RSF1: variants seen among roughly 807,000 people sequenced by gnomAD.
The protein encoded by RSF1 is HBV pX-associated protein 8.
A neutral mutation model predicts 145.2 loss-of-function variants in RSF1; 13 were observed. That is an observed-to-expected ratio of 0.09 (90% CI 0.06 to 0.14). The LOEUF (loss-of-function observed/expected upper bound fraction) is 0.14, where lower values mean the gene tolerates loss of function less well. Ranked by LOEUF, RSF1 falls within the 10% of genes least tolerant of loss-of-function variation. RSF1 has a pLI of 1.00. For missense variants in RSF1, 1,517 were observed against 1,718.2 expected (o/e 0.88, Z 2.07); for synonymous variants, 577 against 592.6 (o/e 0.97, Z 0.38).
intron 1 of RSF1, among the ~76,000 whole-genome samples, chr11:77,798,607 A>C (rs1186349729): frequency 1.4e-5 from 2 of 143,862 alleles, no homozygotes; most frequent in African/African-American, 2.6e-5. Flanking sequence ...AAAAAAAAAA[A>C]AAAAAAAAAA....
intron 1 of RSF1, among the ~76,000 whole-genome samples, chr11:77,814,640 T>C (rs1293665871): frequency 6.6e-6 from 1 of 152,108 alleles, no homozygotes; most frequent in South Asian, 2.1e-4. Context: ...CAGATGGGGT[T>C]TCACCATGTT....
At chr11:77,805,011 T>C (rs772955367) in intron 1 of RSF1, among the ~76,000 whole-genome samples, 4 of 152,106 alleles carry the variant, frequency 2.6e-5, no homozygotes, top group Non-Finnish European at 4.4e-5. Flanking sequence ...ATATTAAACA[T>C]GTGTTTATTT....
chr11:77,744,606 T>C (rs543094592), intron 3 of RSF1, among the ~76,000 whole-genome samples: 39 of 152,324 alleles, frequency 2.6e-4, no homozygotes, highest in African/African-American at 9.4e-4. Flanking sequence ...TACCTGGCCA[T>C]GTATCACATT....
At chr11:77,845,444 T>TG in the RSF1 span, among the ~76,000 whole-genome samples, 28,696 of 151,732 alleles carry the variant, frequency 0.19, 3,284 homozygotes, top group Middle Eastern at 0.33. Flanking sequence ...TTTTTTTTGG[T>TG]GGGGGGGATA....
At chr11:77,837,649 TG>T in the RSF1 span, among the ~76,000 whole-genome samples, 1 of 152,178 alleles carries the variant, frequency 6.6e-6, no homozygotes, top group African/African-American at 2.4e-5. Flanking sequence ...TTGGCCAGGC[TG>T]GTCTTGAACT....
chr11:77,683,387 G>A (rs1959917282), intron 11 of RSF1, among the ~76,000 whole-genome samples: 1 of 151,868 alleles, frequency 6.6e-6, no homozygotes, highest in Non-Finnish European at 1.5e-5. Flanking sequence ...ATTTACATTT[G>A]GAAAGGATCA....
chr11:77,777,036 T>C (rs1050874037), intron 1 of RSF1, among the ~76,000 whole-genome samples: 1 of 152,076 alleles, frequency 6.6e-6, no homozygotes, highest in Admixed American at 6.6e-5. Context: ...AAGGACAGAC[T>C]AGTACAATAA....
At chr11:77,794,504 G>A (rs2135970130) in intron 1 of RSF1, among the ~76,000 whole-genome samples, 1 of 151,834 alleles carries the variant, frequency 6.6e-6, no homozygotes, top group South Asian at 2.1e-4. Flanking sequence ...GCAAAATAGT[G>A]AAACCCTGTC....
intron 2 of RSF1, among the ~76,000 whole-genome samples, chr11:77,758,204 T>G (rs1948135248): frequency 6.6e-6 from 1 of 150,978 alleles, no homozygotes; most frequent in Non-Finnish European, 1.5e-5. Flanking sequence ...CAATAACAAG[T>G]CTACATGGTT....
At chr11:77,667,669 A>G (rs1398859057) in intron 15 of RSF1, among the ~76,000 whole-genome samples, 178 bp from the exon 16 acceptor site, 24 of 151,958 alleles carry the variant, frequency 1.6e-4, no homozygotes, top group Non-Finnish European at 2.1e-4. Context: ...GCCCAATATG[A>G]TTCATGGTGT....
intron 1 of RSF1, among the ~76,000 whole-genome samples, chr11:77,818,569 A>C (rs1185596460): frequency 6.6e-6 from 1 of 151,288 alleles, no homozygotes; most frequent in Admixed American, 6.6e-5. Context: ...TCACGAGGTC[A>C]GGAGTTCGAG....
chr11:77,758,735 T>G (rs1030275645), intron 2 of RSF1, among the ~76,000 whole-genome samples: 12 of 152,254 alleles, frequency 7.9e-5, no homozygotes, highest in African/African-American at 2.9e-4. Context: ...TCTTTGTGTA[T>G]CTTCTTTGAA....
chr11:77,725,288 C>T (rs1303231367), intron 5 of RSF1, among the ~76,000 whole-genome samples: 3 of 152,076 alleles, frequency 2.0e-5, no homozygotes, highest in Non-Finnish European at 4.4e-5. Context: ...TCTTCACATT[C>T]CTTAGTAAAA....
At chr11:77,729,883 T>C (rs1281484772) in intron 4 of RSF1, among the ~76,000 whole-genome samples, 2 of 68,564 alleles carry the variant, frequency 2.9e-5, no homozygotes, top group African/African-American at 1.1e-4. Context: ...AAATGCCAAA[T>C]TATTCAGTAG....
chr11:77,798,977 G>GA (rs1024213095), intron 1 of RSF1, among the ~76,000 whole-genome samples: 2 of 139,730 alleles, frequency 1.4e-5, no homozygotes, highest in African/African-American at 2.7e-5. Context: ...AAAAAAAAAA[G>GA]AAAAAAAAGA....
At chr11:77,798,345 G>A (rs1246426882) in intron 1 of RSF1, among the ~76,000 whole-genome samples, 1 of 151,954 alleles carries the variant, frequency 6.6e-6, no homozygotes. Context: ...AGCACTTTGG[G>A]AGGCCAAGGT....
At chr11:77,759,900 G>T (rs556968247) in intron 2 of RSF1, among the ~76,000 whole-genome samples, 6 of 149,008 alleles carry the variant, frequency 4.0e-5, no homozygotes, top group Admixed American at 4.0e-4. Context: ...ATAATAAGCT[G>T]TCAAATGTTA....
chr11:77,713,717 T>C (rs1452999691), intron 5 of RSF1, among the ~76,000 whole-genome samples: 2 of 152,218 alleles, frequency 1.3e-5, no homozygotes, highest in African/African-American at 4.8e-5. Flanking sequence ...AAATACCCTG[T>C]TTTCTAATTT....
intron 3 of RSF1, among the ~76,000 whole-genome samples, chr11:77,741,613 TAC>T (rs1947939970): frequency 6.6e-6 from 1 of 152,196 alleles, no homozygotes. Flanking sequence ...ATTTATGGTA[TAC>T]ACCATGGTAT....
Sources: allele counts gnomAD v4.1 joint callset (sites outside exome capture counted in the v4.1 genomes callset), GRCh38; gene constraint gnomAD v4.1.1; transcripts MANE v1.5; gene names NCBI Gene and HGNC (gene_info 2026-07-23, HGNC 2026-07-21).